RAP1GAP2: variants seen among roughly 807,000 people sequenced by gnomAD.
The protein encoded by RAP1GAP2 is RAP1 GTPase activating protein 2, also known as rap1 GTPase-activating protein 2.
Under a neutral mutation model 95.0 loss-of-function variants are expected in RAP1GAP2, and 27 were observed. The ratio of observed to expected loss-of-function variants is 0.28; its 90% CI spans 0.21 to 0.39. The LOEUF (loss-of-function observed/expected upper bound fraction) is 0.39. Ranked by LOEUF, RAP1GAP2 falls within the 10% of genes least tolerant of loss-of-function variation. RAP1GAP2 has a pLI of 1.00. For synonymous variants in RAP1GAP2, 373 were observed against 380.9 expected (o/e 0.98, Z 0.24); for missense variants, 771 against 970.0 (o/e 0.79, Z 2.72).
intron 2 of RAP1GAP2, among the ~76,000 whole-genome samples, chr17:2,879,860 C>T (rs1359993431): frequency 1.3e-5 from 2 of 152,116 alleles, no homozygotes; most frequent in African/African-American, 4.8e-5. Context: ...CTCCTGAGCC[C>T]TACTGTAATG....
At chr17:2,929,883 C>T (rs531515859) in intron 3 of RAP1GAP2, among the ~76,000 whole-genome samples, 5 of 152,268 alleles carry the variant, frequency 3.3e-5, no homozygotes, top group African/African-American at 1.2e-4. Flanking sequence ...CCCGAGATCA[C>T]CAGTGCACCC....
chr17:2,926,692 C>T (rs1431554111), intron 3 of RAP1GAP2, among the ~76,000 whole-genome samples: 1 of 152,100 alleles, frequency 6.6e-6, no homozygotes. Flanking sequence ...TGGAATGGGT[C>T]TCACTGAGAT....
intron 2 of RAP1GAP2, among the ~76,000 whole-genome samples, chr17:2,830,800 A>G (rs1244640701): frequency 6.6e-6 from 1 of 152,026 alleles, no homozygotes; most frequent in African/African-American, 2.4e-5. Flanking sequence ...CCAAAATGAT[A>G]TAAAAATATA....
intron 2 of RAP1GAP2, among the ~76,000 whole-genome samples, chr17:2,891,377 C>G (rs1043403072): frequency 6.6e-6 from 1 of 151,854 alleles, no homozygotes; most frequent in East Asian, 1.9e-4. Context: ...CTGAGCTCAA[C>G]CAATCCTCCC....
intron 19 of RAP1GAP2, 82 bp downstream of exon 19, chr17:3,020,677 A>C: frequency 8.0e-7 from 1 of 1,252,606 alleles, no homozygotes. Context: ...TCAGTGCCCT[A>C]CCTTGCAGGG....
chr17:2,988,226 A>G (rs74635470), intron 11 of RAP1GAP2, among the ~76,000 whole-genome samples: 2,042 of 151,864 alleles, frequency 0.013, 51 homozygotes, highest in African/African-American at 0.047. Flanking sequence ...AAAAAAAATT[A>G]CTAACCTTTT....
At chr17:2,911,792 C>A (rs764058331) in intron 3 of RAP1GAP2, among the ~76,000 whole-genome samples, 1 of 152,144 alleles carries the variant, frequency 6.6e-6, no homozygotes, top group Non-Finnish European at 1.5e-5. Context: ...CCTTCCCAGG[C>A]CCCGTGAAGT....
chr17:3,021,491 G>A (rs1376567402), intron 19 of RAP1GAP2, among the ~76,000 whole-genome samples: 1 of 144,648 alleles, frequency 6.9e-6, no homozygotes, highest in African/African-American at 2.6e-5. Flanking sequence ...CTGGAATGCA[G>A]TGGCGCCATC....
chr17:3,026,196 GCTGAGAGTGGCCAT>G, intron 20 of RAP1GAP2, 75 bp downstream of exon 20: 9 of 1,339,872 alleles, frequency 6.7e-6, no homozygotes, highest in Non-Finnish European at 8.4e-6. Context: ...CTCCTGGCCA[GCTGAGAGTGGCCAT>G]CTCCTGCCTC....
At chr17:2,991,986 G>A (rs1322919491) in intron 12 of RAP1GAP2, among the ~76,000 whole-genome samples, 1 of 151,910 alleles carries the variant, frequency 6.6e-6, no homozygotes, top group Non-Finnish European at 1.5e-5. Context: ...GGCTGGTCTT[G>A]AACTCTTGAG....
Position 2,946,273 on chromosome 17 carries a change from C to T in RAP1GAP2, c.166-11486C>T, listed in dbSNP as rs564652738. Reference sequence around the variant, plus strand: ...TGGTTCCTTTGTGTCACTTTGATAACGCTGGCCTCATAGGATGAGTTAGGA... The same window carrying T: ...TGGTTCCTTTGTGTCACTTTGATAATGCTGGCCTCATAGGATGAGTTAGGA... On this transcript the variant is annotated intron_variant, in intron 3 of 24. Coordinates refer to ENST00000254695, the MANE Select transcript of RAP1GAP2 (RefSeq NM_015085.5). 6.6e-5 allele frequency among the ~76,000 whole-genome samples: 10 copies of T among 152,230 alleles called. No individual in the cohort carries two copies. In the South Asian group the frequency reaches 8.3e-4, roughly 13 times the overall value.
At chr17:3,025,939 TG>T in intron 19 of RAP1GAP2, 68 bp from the exon 20 acceptor site, 2 of 1,195,370 alleles carry the variant, frequency 1.7e-6, no homozygotes, top group Non-Finnish European at 2.4e-6. Flanking sequence ...AGGCTCTGCC[TG>T]GGGCCGTGGA....
intron 2 of RAP1GAP2, among the ~76,000 whole-genome samples, chr17:2,894,895 G>C (rs952614665): frequency 2.0e-5 from 3 of 152,088 alleles, no homozygotes; most frequent in African/African-American, 7.2e-5. Flanking sequence ...CAGCCGCTCC[G>C]TTCTCTCTCT....
At chr17:2,769,472 G>A (rs1422149757) in intron 1 of RAP1GAP2, among the ~76,000 whole-genome samples, 2 of 150,300 alleles carry the variant, frequency 1.3e-5, no homozygotes, top group South Asian at 2.1e-4. Context: ...GGAGAATGGC[G>A]TGAACCTGGA....
At chr17:2,874,259 C>T (rs995072209) in intron 2 of RAP1GAP2, among the ~76,000 whole-genome samples, 10 of 152,206 alleles carry the variant, frequency 6.6e-5, no homozygotes, top group African/African-American at 2.4e-4. Context: ...TTTCTCCCCT[C>T]TGCCAACTGG....
At chr17:3,032,237 C>T (rs1412232054) in intron 23 of RAP1GAP2, among the ~76,000 whole-genome samples, 174 bp from the exon 24 acceptor site, 2 of 151,154 alleles carry the variant, frequency 1.3e-5, no homozygotes, top group Non-Finnish European at 2.9e-5. Context: ...TCTGAGCTCG[C>T]CAGACTATCG....
Position 2,797,844 on chromosome 17 carries a change from GT to G in RAP1GAP2, c.44+1274del. The G allele has an allele frequency of 1.1e-6, 1 of 947,500 alleles. No homozygotes were observed. The highest frequency in any genetic ancestry group is 1.3e-6 in the Non-Finnish European group (1 of 795,398). The allele number at this position is 947,500 out of a possible 1,614,324, so 58.7% of individuals were successfully genotyped here. On this transcript the variant is annotated intron_variant, in intron 1 of 24. Transcript: ENST00000254695. This position sits in a 1 kb window ranked among gnomAD's most constrained non-coding sequence, Gnocchi z 5.6. ...GCTTCTGGTTGGGAGGGGTGTGTGTGTCTTGGCTGTGGGCCTTGCAGGGCAG... is the reference window on the plus strand; with the variant it reads ...GCTTCTGGTTGGGAGGGGTGTGTGTGCTTGGCTGTGGGCCTTGCAGGGCAG...
intron 8 of RAP1GAP2, among the ~76,000 whole-genome samples, chr17:2,970,050 GCT>G (rs1260524837): frequency 6.6e-6 from 1 of 151,796 alleles, no homozygotes; most frequent in Non-Finnish European, 1.5e-5. Context: ...AAAGCAGATG[GCT>G]CACCTGAGGT....
rs528214203 is a variant in RAP1GAP2 at position 3,000,349 on chromosome 17, C to T, written c.1200+1973C>T. ...GTTGGTTGAAGCAAGTTGACTTACT[C>T]AGTGCCTACTGTGCGCCAAGCTCCA... On this transcript the variant is annotated intron_variant, in intron 14 of 24. Coordinates refer to ENST00000254695, the MANE Select transcript of RAP1GAP2 (RefSeq NM_015085.5). 2.0e-4 allele frequency among the ~76,000 whole-genome samples: 31 copies of T among 152,354 alleles called. No individual in the cohort carries two copies. In the South Asian group the frequency reaches 2.1e-3, roughly 10 times the overall value.
Sources: gnomAD v4.1 joint callset for allele counts (sites outside exome capture counted in the v4.1 genomes callset) on GRCh38, gnomAD v4.1.1 for gene constraint, Gnocchi (gnomAD v3.1) non-coding constraint, MANE v1.5 for transcripts, NCBI Gene and HGNC (gene_info 2026-07-23, HGNC 2026-07-21) for gene names.